THSD1: variants seen among roughly 807,000 people sequenced by gnomAD.
The protein encoded by THSD1 is thrombospondin type 1 domain containing 1, also known as thrombospondin type-1 domain-containing protein 1.
In THSD1, 34 loss-of-function variants were observed where a neutral mutation model predicts 46.3. The ratio of observed to expected loss-of-function variants is 0.74; its 90% CI spans 0.56 to 0.98. The LOEUF (loss-of-function observed/expected upper bound fraction) is 0.98. THSD1 is among the 50% of genes least tolerant of loss of function. THSD1 has a pLI of 0.00. For missense variants in THSD1, 1,023 were observed against 1,058.3 expected, an observed-to-expected ratio of 0.97 and a Z score of 0.46; for synonymous variants, 407 against 416.5, an observed-to-expected ratio of 0.98 and a Z score of 0.28.
chr13:52,384,275 T>C (rs911756043), intron 4 of THSD1: 1 of 375,426 alleles, frequency 2.7e-6, no homozygotes, highest in Non-Finnish European at 5.4e-6. Flanking sequence ...AGGTTGTTGA[T>C]ACTTCTTCTA....
intron 3 of THSD1, among the ~76,000 whole-genome samples, chr13:52,393,907 C>T (rs1388777777): frequency 1.3e-5 from 2 of 152,190 alleles, no homozygotes; most frequent in Non-Finnish European, 2.9e-5. Flanking sequence ...TTTCATTTCT[C>T]AGACCAACAG....
intron 4 of THSD1, among the ~76,000 whole-genome samples, chr13:52,384,783 G>T (rs188236081): frequency 1.6e-4 from 25 of 152,214 alleles, no homozygotes; most frequent in Non-Finnish European, 3.2e-4. Flanking sequence ...ACACAAGGAA[G>T]GTGCTGTGGA....
chr13:52,406,084 G>A lies in THSD1; in HGVS notation c.-135C>T, dbSNP rs112662046. The A allele has an allele frequency of 0.039, 5,895 of 152,362 alleles. 133 individuals carry two copies. Among genetic ancestry groups the A allele is most frequent in the South Asian group, 0.069 (332 of 4,826 alleles). 9.4% of individuals were successfully genotyped at this position (152,362 alleles called of 1,614,324 possible). On this transcript the variant is annotated 5_prime_UTR_variant, in exon 1 of 5. Coordinates refer to ENST00000258613, the MANE Select transcript of THSD1 (RefSeq NM_018676.4). ...GGCCGTCCGGGCGCGTGGCGAGGCGGACGGGAAGGCTCAGGGGCGGCGAGG... is the reference window on the plus strand; with the variant it reads ...GGCCGTCCGGGCGCGTGGCGAGGCGAACGGGAAGGCTCAGGGGCGGCGAGG...
intron 3 of THSD1, among the ~76,000 whole-genome samples, chr13:52,396,212 T>C (rs1372784169): frequency 6.6e-6 from 1 of 152,088 alleles, no homozygotes; most frequent in East Asian, 1.9e-4. Flanking sequence ...CAGGGGACAC[T>C]GGGCTTACCA....
At position 52,397,291 on chromosome 13, in the gene THSD1, A is replaced by G; in HGVS notation, c.962T>C (p.Ile321Thr). Residue 321 changes from isoleucine (I) to threonine (T), a missense_variant, in exon 3 of 5, where the codon ATT becomes ACT. By Grantham distance (89) the Ile-to-Thr change is moderately conservative. Around this residue, in one of 3 missense-constraint regions of THSD1, gnomAD observed 429 missense variants for 518.3 expected, o/e 0.83. Coordinates refer to ENST00000258613, the MANE Select transcript of THSD1 (RefSeq NM_018676.4). Reference sequence around the variant, plus strand: ...TGCAGAAAAATGGCTTCTGCTTGAAATGCCAAAGTCAAAGCAGTACTTATT... The same window carrying G: ...TGCAGAAAAATGGCTTCTGCTTGAAGTGCCAAAGTCAAAGCAGTACTTATT... ...GKNKYCFDFG[I>T]SSRSHFSAKE... 1 of 1,612,998 alleles carries G rather than the reference A, an allele frequency of 6.2e-7. No homozygotes were observed. The highest frequency in any genetic ancestry group is 8.5e-7 in the Non-Finnish European group (1 of 1,179,542).
At chr13:52,381,176 A>G (rs1957689393) in intron 4 of THSD1, among the ~76,000 whole-genome samples, 1 of 151,906 alleles carries the variant, frequency 6.6e-6, no homozygotes, top group Non-Finnish European at 1.5e-5. Context: ...CCCCTAACCA[A>G]TTTACAACCA....
chr13:52,397,782 CG>C lies in THSD1; in HGVS notation c.470del (p.Pro157ArgfsTer10), dbSNP rs1441561992. 1 of 1,614,216 alleles carries C rather than the reference CG, an allele frequency of 6.2e-7. No homozygotes were observed. Among genetic ancestry groups the C allele is most frequent in the Non-Finnish European group, 8.5e-7 (1 of 1,180,038 alleles). ...VGLFTSQPLCPFPVDKPNIVV... is the reference protein window; with the variant it reads ...VGLFTSQPLCXFPVDKPNIVV... ...CGATGTTGGGCTTGTCCACAGGAAACGGGCACAGTGGTTGACTGGTAAATAG... is the reference window on the plus strand; with the variant it reads ...CGATGTTGGGCTTGTCCACAGGAAACGGCACAGTGGTTGACTGGTAAATAG... On this transcript the variant is annotated frameshift_variant, in exon 3 of 5. Transcript: ENST00000258613. LOFTEE classifies it high-confidence loss of function.
chr13:52,405,686 T>C (rs1203426504), intron 1 of THSD1, among the ~76,000 whole-genome samples: 1 of 152,224 alleles, frequency 6.6e-6, no homozygotes, highest in African/African-American at 2.4e-5. Flanking sequence ...TTAATCCTTG[T>C]ATTTCATACT....
At chr13:52,387,832 A>G (rs1957744814) in intron 3 of THSD1, among the ~76,000 whole-genome samples, 1 of 152,206 alleles carries the variant, frequency 6.6e-6, no homozygotes. Context: ...GCTGTGGGGC[A>G]ATATCAGACT....
At chr13:52,398,910 T>C (rs148592883) in intron 2 of THSD1, among the ~76,000 whole-genome samples, 1 of 152,228 alleles carries the variant, frequency 6.6e-6, no homozygotes, top group Non-Finnish European at 1.5e-5. Flanking sequence ...TTATTTTAAA[T>C]GTAAGACCCT....
At chr13:52,396,509 G>C (rs775016536) in intron 3 of THSD1, among the ~76,000 whole-genome samples, 8 of 152,166 alleles carry the variant, frequency 5.3e-5, no homozygotes, top group Non-Finnish European at 8.8e-5. Context: ...CTGGGCGACA[G>C]AGCGAGACTC....
intron 4 of THSD1, 139 bp from the exon 5 acceptor site, chr13:52,378,928 T>G (rs1488078577): frequency 6.2e-6 from 6 of 971,364 alleles, no homozygotes; most frequent in Non-Finnish European, 7.2e-6. Flanking sequence ...AATGGTGTGA[T>G]CTCGGCTCAT....
intron 2 of THSD1, among the ~76,000 whole-genome samples, chr13:52,402,235 C>T (rs1260863441): frequency 6.6e-6 from 1 of 152,200 alleles, no homozygotes; most frequent in Non-Finnish European, 1.5e-5. Flanking sequence ...AGTGATTTAT[C>T]ACACTTAATT....
At chr13:52,381,537 C>A (rs1957692374) in intron 4 of THSD1, among the ~76,000 whole-genome samples, 1 of 152,302 alleles carries the variant, frequency 6.6e-6, no homozygotes, top group African/African-American at 2.4e-5. Context: ...CAAGTACATG[C>A]CCAGCTTCTT....
chr13:52,399,918 G>T, intron 2 of THSD1: 1 of 155,406 alleles, frequency 6.4e-6, no homozygotes, highest in South Asian at 1.8e-4. Flanking sequence ...ATACTAATTT[G>T]GATCTGAAGG....
chr13:52,384,397 C>T, intron 4 of THSD1: 1 of 455,906 alleles, frequency 2.2e-6, no homozygotes, highest in Non-Finnish European at 4.4e-6. Context: ...ACAGGCCACC[C>T]ACCCTCCCTA....
chr13:52,391,268 G>T (rs1957771198), intron 3 of THSD1, among the ~76,000 whole-genome samples: 1 of 151,688 alleles, frequency 6.6e-6, no homozygotes, highest in South Asian at 2.1e-4. Context: ...CAAGGCTGGA[G>T]TGCAGTGGTG....
rs772800639 is a variant in THSD1 at position 52,378,020 on chromosome 13, G to A, written c.1950C>T (p.Phe650=). The change falls in exon 5 of 5, where the codon TTC becomes TTT. Residue 650 remains phenylalanine (F), a synonymous_variant. Transcript: ENST00000258613. The part of the protein sequence containing the change: ...SERSHARNAH[F]RRTASFHEAR... ...CTTCATGGAAACTCGCTGTCCTCCTGAAATGGGCGTTCCTGGCATGGCTCC... is the reference window on the plus strand; with the variant it reads ...CTTCATGGAAACTCGCTGTCCTCCTAAAATGGGCGTTCCTGGCATGGCTCC... 1 of 1,614,142 alleles carries A rather than the reference G, an allele frequency of 6.2e-7. No individual in the cohort carries two copies. The highest frequency in any genetic ancestry group is 2.2e-5 in the East Asian group (1 of 44,862).
intron 4 of THSD1, among the ~76,000 whole-genome samples, chr13:52,382,358 C>T (rs1387824118): frequency 5.3e-5 from 8 of 152,176 alleles, no homozygotes; most frequent in African/African-American, 1.7e-4. Context: ...CCATTGCTGG[C>T]ACTTCATTTT....
Sources: allele counts gnomAD v4.1 joint callset (sites outside exome capture counted in the v4.1 genomes callset), GRCh38; gene constraint gnomAD v4.1.1; regional missense constraint gnomAD v4.1.1; transcripts MANE v1.5; gene names NCBI Gene and HGNC (gene_info 2026-07-23, HGNC 2026-07-21).